Variants in ANKRD27 observed in about 807,000 individuals in gnomAD.
The protein encoded by ANKRD27 is ankyrin repeat domain-containing protein 27.
A neutral mutation model predicts 129.7 loss-of-function variants in ANKRD27; 112 were observed. The observed-to-expected ratio is 0.86, with a 90% CI of 0.74 to 1.01. The LOEUF (loss-of-function observed/expected upper bound fraction) is 1.01, where lower values mean the gene tolerates loss of function less well. Among genes scored for constraint, ANKRD27 ranks in the 50% least tolerant of loss-of-function variants. ANKRD27 has a pLI of 0.00. For synonymous variants in ANKRD27, 516 were observed against 511.2 expected (o/e 1.01, Z -0.13); for missense variants, 1,258 against 1,300.5 (o/e 0.97, Z 0.50).
intron 18 of ANKRD27, 56 bp downstream of exon 18, chr19:32,622,366 A>G: frequency 3.2e-6 from 5 of 1,584,186 alleles, no homozygotes; most frequent in South Asian, 1.1e-5. Context: ...GACCTAAGCT[A>G]CGGACATCGA....
intron 1 of ANKRD27, among the ~76,000 whole-genome samples, chr19:32,664,051 G>C: frequency 3.3e-5 from 2 of 61,010 alleles, no homozygotes; most frequent in African/African-American, 7.9e-5. Context: ...GCGAGACTCT[G>C]TCTCAAAAAA....
chr19:32,610,215 T>C (rs4407169), intron 22 of ANKRD27, among the ~76,000 whole-genome samples: 88,708 of 151,726 alleles, frequency 0.58, 27,035 homozygotes, highest in Non-Finnish European at 0.69. Context: ...GAAGCTGAGG[T>C]AGGAGAATTG....
chr19:32,669,981 C>G (rs1967835291), intron 1 of ANKRD27, among the ~76,000 whole-genome samples: 1 of 145,102 alleles, frequency 6.9e-6, no homozygotes, highest in Non-Finnish European at 1.5e-5. Context: ...GAGTGACAGG[C>G]TGAGATCCCG....
chr19:32,630,795 T>C (rs1240658828), intron 13 of ANKRD27, among the ~76,000 whole-genome samples: 1 of 152,018 alleles, frequency 6.6e-6, no homozygotes, highest in Non-Finnish European at 1.5e-5. Context: ...CACACCTGGC[T>C]AATTTTTGTA....
intron 20 of ANKRD27, 126 bp from the exon 21 acceptor site, chr19:32,617,759 T>TG (rs1971942421): frequency 1.1e-3 from 451 of 406,374 alleles, no homozygotes; most frequent in Middle Eastern, 3.6e-3. Flanking sequence ...TTTAGTTTTT[T>TG]TTTTTTTTTT....
intron 1 of ANKRD27, among the ~76,000 whole-genome samples, chr19:32,659,736 A>G (rs1967611003): frequency 6.6e-6 from 1 of 152,150 alleles, no homozygotes; most frequent in East Asian, 1.9e-4. Flanking sequence ...TGTTTGCCTC[A>G]GATTTTCTTT....
chr19:32,639,865 G>A (rs1967162736), intron 11 of ANKRD27, among the ~76,000 whole-genome samples: 2 of 152,216 alleles, frequency 1.3e-5, no homozygotes, highest in African/African-American at 4.8e-5. Context: ...TAAGTGGATG[G>A]ATGAAGCAAG....
In ANKRD27 at chr19:32,604,292, G is replaced by A; in HGVS notation, c.2626C>T (p.Gln876Ter). The A allele has an allele frequency of 6.2e-7, 1 of 1,613,466 alleles. No individual in the cohort carries two copies. The highest frequency in any genetic ancestry group is 8.5e-7 in the Non-Finnish European group (1 of 1,179,942). The change falls in exon 25 of 29, where the codon CAG becomes TAG. Residue 876 changes from glutamine to a stop codon, truncating the protein, a stop_gained. Transcript: ENST00000306065. LOFTEE classifies it high-confidence loss of function. ...TCAGCACAGTCTACAGCCGTGCGCTGCCGCTTGTTCAGCACCTGAACTGAC... is the reference window on the plus strand; with the variant it reads ...TCAGCACAGTCTACAGCCGTGCGCTACCGCTTGTTCAGCACCTGAACTGAC... ...GASVQVLNKR[Q>*]RTAVDCAEQN...
At chr19:32,617,750 T>A (rs1971941554) in intron 20 of ANKRD27, 117 bp from the exon 21 acceptor site, 3 of 494,270 alleles carry the variant, frequency 6.1e-6, no homozygotes, top group Non-Finnish European at 1.1e-5. Flanking sequence ...AACGTCTGAT[T>A]TAGTTTTTTT....
chr19:32,602,186 T>C, intron 25 of ANKRD27, 60 bp from the exon 26 acceptor site: 1 of 1,102,498 alleles, frequency 9.1e-7, no homozygotes, highest in Non-Finnish European at 1.4e-6. Flanking sequence ...TAGGTTATTA[T>C]TTGTTTTTGA....
intron 25 of ANKRD27, 52 bp downstream of exon 25, chr19:32,604,211 G>A (rs1163383131): frequency 1.3e-6 from 2 of 1,540,638 alleles, no homozygotes; most frequent in Non-Finnish European, 1.8e-6. Context: ...GGATCCAGAG[G>A]GAGCTGTGAG....
chr19:32,653,744 C>A (rs1020102389), intron 2 of ANKRD27, among the ~76,000 whole-genome samples: 1 of 1,600 alleles, frequency 6.3e-4, no homozygotes, highest in Admixed American at 7.9e-3. Flanking sequence ...GGGGCGGGGA[C>A]GGGGTGGGGG....
chr19:32,623,211 TGA>T (rs1257556143), intron 17 of ANKRD27, among the ~76,000 whole-genome samples: 2 of 152,170 alleles, frequency 1.3e-5, no homozygotes, highest in Non-Finnish European at 2.9e-5. Context: ...TGCTAACCAC[TGA>T]GAGGCCTGCT....
In ANKRD27 at chr19:32,660,539, G is replaced by A. The variant is rs79200385; in HGVS notation, c.-30-1494C>T. 1.8e-3 allele frequency among the ~76,000 whole-genome samples: 269 copies of A among 152,178 alleles called. 5 individuals are homozygous for A. The East Asian group carries it at 0.022, about 13-fold the overall frequency. On this transcript the variant is annotated intron_variant, in intron 1 of 28. Coordinates refer to ENST00000306065, the MANE Select transcript of ANKRD27 (RefSeq NM_032139.3). ...TTTCAAAAAAAAGAAAAAGAAAGAG[G>A]CCTGGGAGAGCTCCTTTGCTCCTCC...
intron 17 of ANKRD27, among the ~76,000 whole-genome samples, chr19:32,624,886 T>C (rs1311407182): frequency 6.6e-6 from 1 of 151,846 alleles, no homozygotes; most frequent in African/African-American, 2.4e-5. Context: ...TGAGCCAAAA[T>C]CATGCCACTG....
intron 23 of ANKRD27, among the ~76,000 whole-genome samples, chr19:32,606,436 G>A (rs1008036643): frequency 1.6e-4 from 25 of 152,248 alleles, no homozygotes; most frequent in African/African-American, 6.0e-4. Context: ...TTACAGGCAT[G>A]AGCCACCACG....
chr19:32,637,106 A>G (rs568581223), intron 12 of ANKRD27, among the ~76,000 whole-genome samples: 1 of 152,194 alleles, frequency 6.6e-6, no homozygotes, highest in Non-Finnish European at 1.5e-5. Flanking sequence ...AAGACTGAAA[A>G]TGCATGAACG....
chr19:32,639,418 G>C lies in ANKRD27; in HGVS notation c.1054C>G (p.Leu352Val). ...SLAKDELGYC[L>V]TSFEAAIEYI... is the part of the protein sequence containing the mutation. ...TCAATGGCAGCTTCGAATGAGGTCAGGCAGTATCCCAGTTCATCCTTTGCC... is the reference window on the plus strand; with the variant it reads ...TCAATGGCAGCTTCGAATGAGGTCACGCAGTATCCCAGTTCATCCTTTGCC... The change falls in exon 12 of 29, where the codon CTG becomes GTG. Residue 352 changes from leucine to valine, a missense_variant. Physicochemically the swap from Leu to Val is conservative, Grantham distance 32 (BLOSUM62 1). Transcript: ENST00000306065. 1.2e-6 allele frequency: 2 copies of C among 1,614,198 alleles called. No homozygotes were observed. The highest frequency in any genetic ancestry group is 1.7e-6 in the Non-Finnish European group (2 of 1,180,028).
At chr19:32,656,839 C>T (rs973455084) in intron 2 of ANKRD27, among the ~76,000 whole-genome samples, 1 of 151,292 alleles carries the variant, frequency 6.6e-6, no homozygotes, top group Non-Finnish European at 1.5e-5. Flanking sequence ...GGTGAATCCT[C>T]ACCATCAAGC....
Sources: allele counts gnomAD v4.1 joint callset (sites outside exome capture counted in the v4.1 genomes callset), GRCh38; gene constraint gnomAD v4.1.1; transcripts MANE v1.5; gene names NCBI Gene and HGNC (gene_info 2026-07-23, HGNC 2026-07-21).